MEP1A: variants seen among roughly 807,000 people sequenced by gnomAD.
MEP1A encodes N-benzoyl-L-tyrosyl-P-amino-benzoic acid hydrolase subunit alpha.
A neutral mutation model predicts 84.5 loss-of-function variants in MEP1A; 68 were observed. That is an observed-to-expected ratio of 0.80 (90% CI 0.66 to 0.98). The LOEUF is 0.98. Ranked by LOEUF, MEP1A falls within the 50% of genes least tolerant of loss-of-function variation. The pLI, the probability that MEP1A is intolerant of heterozygous loss-of-function variation, is 0.00. For synonymous variants in MEP1A, 337 were observed against 336.8 expected, an observed-to-expected ratio of 1.00 and a Z score of -0.01; for missense variants, 887 against 919.9, an observed-to-expected ratio of 0.96 and a Z score of 0.46.
chr6:46,812,938 C>T (rs1767539983), intron 6 of MEP1A, among the ~76,000 whole-genome samples: 1 of 152,020 alleles, frequency 6.6e-6, no homozygotes, highest in Non-Finnish European at 1.5e-5. Flanking sequence ...AATGTATATT[C>T]TGCAATTGTT....
intron 6 of MEP1A, among the ~76,000 whole-genome samples, chr6:46,810,272 G>A (rs551304269): frequency 3.4e-4 from 51 of 152,142 alleles, no homozygotes; most frequent in Middle Eastern, 3.4e-3. Flanking sequence ...CTTCTTTTGA[G>A]AATTGTCTAT....
intron 5 of MEP1A, among the ~76,000 whole-genome samples, chr6:46,807,840 G>GAAAGAAAGGAAGA (rs1562107182): frequency 1.1e-3 from 117 of 107,760 alleles, no homozygotes; most frequent in Admixed American, 1.8e-3. Flanking sequence ...AGAAAGAAAG[G>GAAAGAAAGGAAGA]AAGAAAGGAA....
intron 10 of MEP1A, among the ~76,000 whole-genome samples, chr6:46,831,431 C>T (rs541906523): frequency 6.6e-6 from 1 of 152,176 alleles, no homozygotes; most frequent in East Asian, 1.9e-4. Flanking sequence ...TTTACTGAGG[C>T]CAGGACTTCC....
At chr6:46,832,138 A>C (rs971880421) in intron 10 of MEP1A, among the ~76,000 whole-genome samples, 1 of 152,244 alleles carries the variant, frequency 6.6e-6, no homozygotes, top group Admixed American at 6.5e-5. Context: ...GAAGGAAAAA[A>C]GACACTCATC....
intron 5 of MEP1A, 62 bp from the exon 6 acceptor site, chr6:46,809,358 A>G (rs1362563059): frequency 5.9e-6 from 6 of 1,012,084 alleles, no homozygotes; most frequent in African/African-American, 1.6e-5. Context: ...TCTAAACTAT[A>G]AGTTATAGAT....
At chr6:46,841,045 T>C (rs1768322898), downstream of MEP1A, among the ~76,000 whole-genome samples, 1 of 152,206 alleles carries the variant, frequency 6.6e-6, no homozygotes, top group Admixed American at 6.5e-5. Flanking sequence ...GAGCATGCTG[T>C]GGTCTGTCAC....
At chr6:46,808,137 T>C (rs1320052146) in intron 5 of MEP1A, among the ~76,000 whole-genome samples, 1 of 151,068 alleles carries the variant, frequency 6.6e-6, no homozygotes, top group African/African-American at 2.5e-5. Flanking sequence ...GCTTTCAGTA[T>C]AATCACTTTT....
chr6:46,824,843 TTATATATATAAATTATATATTTAAATA>T (rs1767879509), intron 7 of MEP1A, among the ~76,000 whole-genome samples: 7 of 72,948 alleles, frequency 9.6e-5, no homozygotes, highest in African/African-American at 3.6e-4. Flanking sequence ...TATATATAAA[TTATATATATAAATTATATATTTAAATA>T]GATCTATTTA....
rs1768120240 is a variant in MEP1A at position 46,833,329 on chromosome 6, T to A, written c.1400T>A (p.Phe467Tyr). Reference sequence around the variant, plus strand: ...TTCTACAATTCGGAGGGATATGGTTTTGGGGTAACTTTATACCCAAATAGC... The same window carrying A: ...TTCTACAATTCGGAGGGATATGGTTATGGGGTAACTTTATACCCAAATAGC... ...PRFYNSEGYG[F>Y]GVTLYPNSRE... Residue 467 changes from phenylalanine (F) to tyrosine (Y), a missense_variant, in exon 11 of 14, where the codon TTT becomes TAT. Physicochemically the swap from Phe to Tyr is conservative, Grantham distance 22. Transcript: ENST00000230588. 2.5e-6 allele frequency: 4 copies of A among 1,614,116 alleles called. No individual in the cohort carries two copies. Among genetic ancestry groups the A allele is most frequent in the Admixed American group, 1.7e-5 (1 of 60,014 alleles).
chr6:46,830,479 A>T (rs573975084), intron 10 of MEP1A, among the ~76,000 whole-genome samples: 27 of 152,102 alleles, frequency 1.8e-4, no homozygotes, highest in Non-Finnish European at 3.5e-4. Context: ...ATGATTATAG[A>T]TGGAGAAATT....
intron 11 of MEP1A, among the ~76,000 whole-genome samples, chr6:46,834,332 T>C (rs1276204514): frequency 6.6e-6 from 1 of 152,024 alleles, no homozygotes; most frequent in African/African-American, 2.4e-5. Flanking sequence ...AACTGATCAC[T>C]CAGAGCTGTG....
chr6:46,800,028 G>A (rs976333342), intron 5 of MEP1A, among the ~76,000 whole-genome samples: 5 of 152,260 alleles, frequency 3.3e-5, no homozygotes, highest in African/African-American at 4.8e-5. Flanking sequence ...GTGCTGCCTC[G>A]AATCCCTGTT....
At position 46,834,626 on chromosome 6, in the gene MEP1A, A is replaced by T. The variant is rs1230447551; in HGVS notation, c.1658A>T (p.Tyr553Phe). The change falls in exon 12 of 14, where the codon TAT (tyrosine) becomes TTT (phenylalanine). Residue 553 changes from tyrosine (Y) to phenylalanine (F), a missense_variant. Coordinates refer to ENST00000230588, the MANE Select transcript of MEP1A (RefSeq NM_005588.3). The part of the protein sequence containing the change: ...IWDRPSRVGT[Y>F]HTDCNCFRSI... ...GACAGGCCGTCCAGGGTGGGAACCT[A>T]TCATACGGACTGTAATTGTTTTAGA... The T allele has an allele frequency of 4.3e-6, 7 of 1,611,444 alleles. No homozygotes were observed. The highest frequency in any genetic ancestry group is 5.9e-6 in the Non-Finnish European group (7 of 1,179,524).
At chr6:46,819,209 T>C (rs1258635175) in intron 6 of MEP1A, among the ~76,000 whole-genome samples, 1 of 152,210 alleles carries the variant, frequency 6.6e-6, no homozygotes, top group African/African-American at 2.4e-5. Flanking sequence ...CCTGTGGGTT[T>C]GTGGAGGTGA....
At position 46,835,119 on chromosome 6, in the gene MEP1A, A is replaced by C. The variant is rs574012798; in HGVS notation, c.1784-130A>C. ...ATACTGTGGGAATCAGCTGGATTCA[A>C]AGCCACTTTTCCATGTCACTAGGGG... On this transcript the variant is annotated intron_variant, in intron 12 of 13. Coordinates refer to ENST00000230588, the MANE Select transcript of MEP1A (RefSeq NM_005588.3). 76 of 790,540 alleles carry C rather than the reference A, an allele frequency of 9.6e-5. No individual in the cohort carries two copies. The African/African-American group carries it at 1.3e-3, about 14-fold the overall frequency. The allele number at this position is 790,540 out of a possible 1,614,324, so 49.0% of individuals were successfully genotyped here. A position where few individuals can be genotyped will look rare whatever the true frequency, so the allele number is the denominator to read the frequency against.
At chr6:46,842,776 C>T (rs1768356569), downstream of MEP1A, among the ~76,000 whole-genome samples, 1 of 152,084 alleles carries the variant, frequency 6.6e-6, no homozygotes, top group African/African-American at 2.4e-5. Flanking sequence ...GGTTTTGCAG[C>T]TTAGGGGACA....
At chr6:46,804,449 AT>A (rs1767265731) in intron 5 of MEP1A, among the ~76,000 whole-genome samples, 1 of 151,726 alleles carries the variant, frequency 6.6e-6, no homozygotes, top group Non-Finnish European at 1.5e-5. Flanking sequence ...CTAAATTACA[AT>A]TAACAGTTTT....
At chr6:46,827,710 A>T (rs1465899186) in intron 9 of MEP1A, among the ~76,000 whole-genome samples, 1 of 152,186 alleles carries the variant, frequency 6.6e-6, no homozygotes, top group Non-Finnish European at 1.5e-5. Flanking sequence ...ATTATCAAAC[A>T]TATCATCCCA....
intron 5 of MEP1A, among the ~76,000 whole-genome samples, chr6:46,804,488 A>T (rs1240297004): frequency 7.0e-6 from 1 of 143,868 alleles, no homozygotes; most frequent in African/African-American, 2.4e-5. Flanking sequence ...TATCCATCCC[A>T]ATATCCCTCT....
Sources: allele counts gnomAD v4.1 joint callset (sites outside exome capture counted in the v4.1 genomes callset), GRCh38; gene constraint gnomAD v4.1.1; transcripts MANE v1.5; gene names NCBI Gene and HGNC (gene_info 2026-07-23, HGNC 2026-07-21).